Variants in TNRC6C observed in about 807,000 individuals in gnomAD.
TNRC6C encodes the protein trinucleotide repeat containing adaptor 6C, also known as trinucleotide repeat-containing gene 6C protein.
A neutral mutation model predicts 153.7 loss-of-function variants in TNRC6C; 20 were observed. The observed-to-expected ratio is 0.13, with a 90% CI of 0.09 to 0.19. TNRC6C has a LOEUF of 0.19. Among genes scored for constraint, TNRC6C ranks in the 10% least tolerant of loss-of-function variants. TNRC6C has a pLI of 1.00. For missense variants in TNRC6C, 1,987 were observed against 2,172.0 expected (o/e 0.91, Z 1.69); for synonymous variants, 811 against 841.4 (o/e 0.96, Z 0.63).
chr17:78,100,779 T>TC (rs1395247391), intron 17 of TNRC6C, among the ~76,000 whole-genome samples: 2 of 147,546 alleles, frequency 1.4e-5, no homozygotes, highest in East Asian at 3.9e-4. Flanking sequence ...CCTTTTTTTT[T>TC]TTTTTTTTTT....
At chr17:78,067,946 C>A in intron 5 of TNRC6C, 23 bp downstream of exon 7, 2 of 1,580,942 alleles carry the variant, frequency 1.3e-6, no homozygotes, top group East Asian at 2.3e-5. Context: ...CTCTTAACGA[C>A]GGTACACCCT....
At chr17:78,068,854 A>G (rs2072934190) in intron 5 of TNRC6C, among the ~76,000 whole-genome samples, 1 of 152,212 alleles carries the variant, frequency 6.6e-6, no homozygotes, top group Non-Finnish European at 1.5e-5. Flanking sequence ...TACACATCTC[A>G]TATATACATG....
At chr17:78,090,642 A>G (rs1598782544) in intron 13 of TNRC6C, among the ~76,000 whole-genome samples, 1 of 152,162 alleles carries the variant, frequency 6.6e-6, no homozygotes, top group Non-Finnish European at 1.5e-5. Context: ...CCTCCTCATC[A>G]TCTTTCTTTA....
At chr17:78,026,608 T>C (rs1431359294) in intron 1 of TNRC6C, among the ~76,000 whole-genome samples, 1 of 152,242 alleles carries the variant, frequency 6.6e-6, no homozygotes, top group African/African-American at 2.4e-5. Flanking sequence ...TAGCACTTGC[T>C]GAACCTCAAA....
In TNRC6C at chr17:77,974,608, C is replaced by T. The variant is rs533201341; in HGVS notation, c.-38+15340C>T. ...TCAAGAGTAGCTGGGACTGCAGGCA[C>T]GTGCCACTGCACCCTACTTGTGTAT... On this transcript the variant is annotated intron_variant, in intron 1 of 22. Coordinates refer to the TNRC6C transcript ENST00000636222. Among the ~76,000 whole-genome samples the T allele has an allele frequency of 5.9e-5, 9 of 152,286 alleles. No individual in the cohort carries two copies. The South Asian group carries it at 1.7e-3, about 28-fold the overall frequency.
chr17:78,018,380 C>T (rs556243939), intron 1 of TNRC6C, among the ~76,000 whole-genome samples: 2 of 152,330 alleles, frequency 1.3e-5, no homozygotes, highest in African/African-American at 4.8e-5. Context: ...CGCCCCGCCT[C>T]GGCCTCCCAA....
At chr17:78,092,851 C>G (rs1254455140) in intron 14 of TNRC6C, 82 bp from the exon 17 acceptor site, 6 of 1,251,968 alleles carry the variant, frequency 4.8e-6, no homozygotes, top group Non-Finnish European at 6.7e-6. Flanking sequence ...ACAGAAGGTA[C>G]ATAGGGAGGC....
intron 2 of TNRC6C, among the ~76,000 whole-genome samples, chr17:78,040,320 G>C (rs2072266508): frequency 6.6e-6 from 1 of 152,174 alleles, no homozygotes; most frequent in Non-Finnish European, 1.5e-5. Context: ...ACACTTGAGA[G>C]CTTTTATCTT....
intron 3 of TNRC6C, among the ~76,000 whole-genome samples, chr17:78,056,861 C>T (rs1244074286): frequency 1.3e-5 from 2 of 151,978 alleles, no homozygotes; most frequent in East Asian, 1.9e-4. Context: ...AAATAATTCT[C>T]TTTTATATGA....
chr17:77,978,806 G>A (rs1026227198), intron 1 of TNRC6C, among the ~76,000 whole-genome samples: 1 of 152,054 alleles, frequency 6.6e-6, no homozygotes, highest in Non-Finnish European at 1.5e-5. Context: ...CTAGGTGTAT[G>A]GTGAACCTAA....
At chr17:78,044,767 C>A (rs556812790) in intron 2 of TNRC6C, among the ~76,000 whole-genome samples, 2 of 152,344 alleles carry the variant, frequency 1.3e-5, no homozygotes, top group East Asian at 3.9e-4. Context: ...ATATGGCCCA[C>A]AAAGCCTAAA....
intron 1 of TNRC6C, among the ~76,000 whole-genome samples, chr17:78,022,758 G>A (rs764135485): frequency 2.6e-5 from 4 of 152,176 alleles, no homozygotes; most frequent in African/African-American, 4.8e-5. Context: ...ACAAGTAGAA[G>A]TACAAGTGTA....
In TNRC6C at chr17:78,104,090, T is replaced by C. The variant is rs1359488358; in HGVS notation, c.4713-395T>C. Among the ~76,000 whole-genome samples, 1 of 152,170 alleles carries C rather than the reference T, an allele frequency of 6.6e-6. No individual in the cohort carries two copies. The highest frequency in any genetic ancestry group is 1.5e-5 in the Non-Finnish European group (1 of 68,030). On this transcript the variant is annotated intron_variant, in intron 19 of 19. Transcript: ENST00000301624. This position sits in a 1 kb window ranked among gnomAD's most constrained non-coding sequence, Gnocchi z 6.2. Reference sequence around the variant, plus strand: ...CACATTCCTACACAGGGCCCAGCAGTGGTCCTCACAGCCAACCCTTCACCC... The same window carrying C: ...CACATTCCTACACAGGGCCCAGCAGCGGTCCTCACAGCCAACCCTTCACCC...
intron 1 of TNRC6C, among the ~76,000 whole-genome samples, chr17:77,985,883 A>T (rs1567901688): frequency 6.6e-6 from 1 of 152,204 alleles, no homozygotes; most frequent in Non-Finnish European, 1.5e-5. Context: ...CTACCAAAAC[A>T]GGAAATAGAA....
chr17:77,987,700 G>A (rs949111186), intron 1 of TNRC6C, among the ~76,000 whole-genome samples: 6 of 152,108 alleles, frequency 3.9e-5, no homozygotes, highest in African/African-American at 1.2e-4. Context: ...TGGAGACAGA[G>A]TCTCTCTCTG....
At chr17:77,998,438 TCTC>T (rs1036152619) in intron 1 of TNRC6C, among the ~76,000 whole-genome samples, 3 of 152,198 alleles carry the variant, frequency 2.0e-5, no homozygotes, top group Non-Finnish European at 2.9e-5. Flanking sequence ...TGATCTTCCT[TCTC>T]CACCTCTGGG....
chr17:77,968,635 GC>G (rs1244844110), intron 1 of TNRC6C, among the ~76,000 whole-genome samples: 1 of 152,178 alleles, frequency 6.6e-6, no homozygotes, highest in Non-Finnish European at 1.5e-5. Flanking sequence ...GAGCCACCGT[GC>G]CCGGCCCGAG....
intron 2 of TNRC6C, among the ~76,000 whole-genome samples, chr17:78,048,304 TTTCC>T: frequency 6.6e-6 from 1 of 152,334 alleles, no homozygotes; most frequent in South Asian, 2.1e-4. Context: ...CTTTTCTCTC[TTTCC>T]TTCCGTCACC....
At chr17:78,102,582 A>G (rs2144664358) in intron 18 of TNRC6C, 38 bp downstream of exon 21, 3 of 1,571,642 alleles carry the variant, frequency 1.9e-6, no homozygotes. Flanking sequence ...AGCATGATCC[A>G]GGGAGGGTTC....
Sources: allele counts gnomAD v4.1 joint callset (sites outside exome capture counted in the v4.1 genomes callset), GRCh38; gene constraint gnomAD v4.1.1; non-coding constraint Gnocchi (gnomAD v3.1); transcripts MANE v1.5; gene names NCBI Gene and HGNC (gene_info 2026-07-23, HGNC 2026-07-21).